Variants in CBLB observed in about 807,000 individuals in gnomAD.
CBLB encodes the protein E3 ubiquitin-protein ligase CBL-B.
A neutral mutation model predicts 104.9 loss-of-function variants in CBLB; 31 were observed. That is an observed-to-expected ratio of 0.30 (90% CI 0.22 to 0.40). The LOEUF is 0.40. Among genes scored for constraint, CBLB ranks in the 10% least tolerant of loss-of-function variants. The pLI is 1.00. For missense variants in CBLB, 1,062 were observed against 1,214.6 expected (o/e 0.87, Z 1.87); for synonymous variants, 440 against 422.6 (o/e 1.04, Z -0.51).
intron 18 of CBLB, among the ~76,000 whole-genome samples, chr3:105,664,382 T>C (rs1038730973): frequency 6.6e-6 from 1 of 152,164 alleles, no homozygotes. Flanking sequence ...TAAAATAATG[T>C]GGTAAAATAC....
At chr3:105,734,914 A>T (rs1232780008) in intron 8 of CBLB, among the ~76,000 whole-genome samples, 2 of 152,244 alleles carry the variant, frequency 1.3e-5, no homozygotes, top group Non-Finnish European at 2.9e-5. Context: ...AAATTTTCAA[A>T]ATTCAAATAC....
upstream of CBLB, chr3:105,869,349 G>A (rs1386729255): frequency 7.5e-7 from 1 of 1,336,984 alleles, no homozygotes; most frequent in East Asian, 4.0e-5. Flanking sequence ...ATAAGGGGTG[G>A]CAGGTGGGCG....
intron 9 of CBLB, among the ~76,000 whole-genome samples, chr3:105,724,775 CAAT>C (rs777529360): frequency 1.4e-4 from 21 of 151,996 alleles, no homozygotes; most frequent in Non-Finnish European, 2.8e-4. Context: ...TTATTAGAAA[CAAT>C]AATAACTAAA....
chr3:105,666,091 C>T (rs2064424092), intron 18 of CBLB, among the ~76,000 whole-genome samples: 1 of 151,634 alleles, frequency 6.6e-6, no homozygotes, highest in African/African-American at 2.4e-5. Context: ...ATAGTAAATG[C>T]TTAACAAACT....
intron 3 of CBLB, among the ~76,000 whole-genome samples, chr3:105,832,095 C>A (rs2087627105): frequency 6.6e-6 from 1 of 152,020 alleles, no homozygotes. Flanking sequence ...GATGAAAATT[C>A]TTTAAAGAAG....
rs114147327 is a variant in CBLB at position 105,776,304 on chromosome 3, C to T, written c.566+92G>A. ...AATAATAAAATACATTCACAAAACA[C>T]TCAAGTAAAATATATACCATATCCA... On this transcript the variant is annotated intron_variant, in intron 4 of 18. Transcript: ENST00000394030. 1,276 of 1,155,128 alleles carry T rather than the reference C, an allele frequency of 1.1e-3. 8 individuals are homozygous for T. In the African/African-American group the frequency reaches 0.018, roughly 17 times the overall value. The allele number at this position is 1,155,128 out of a possible 1,614,324, so 71.6% of individuals were successfully genotyped here.
In CBLB at chr3:105,721,390, C is replaced by T. The variant is rs373685186; in HGVS notation, c.1204-1140G>A. ...TCACTCTCTTCTCACTGAACAACTA[C>T]CTCACATCTACTTTGTGGCAGATCC... is the stretch of plus-strand genomic sequence containing the variant. On this transcript the variant is annotated intron_variant, in intron 9 of 18. Transcript: ENST00000394030. 1.1e-4 allele frequency among the ~76,000 whole-genome samples: 16 copies of T among 152,318 alleles called. 1 individual carries two copies. The East Asian group carries it at 2.3e-3, about 22-fold the overall frequency.
At position 105,666,566 on chromosome 3, in the gene CBLB, A is replaced by T. The variant is rs149441929; in HGVS notation, c.2689+3667T>A. On this transcript the variant is annotated intron_variant, in intron 18 of 18. Coordinates refer to ENST00000394030, the MANE Select transcript of CBLB (RefSeq NM_170662.5). ...CCGGGCATGATGGTGGATGCCTGTAATCCCAGCTACTCGGGAAGCTGAGGC... is the reference window on the plus strand; with the variant it reads ...CCGGGCATGATGGTGGATGCCTGTATTCCCAGCTACTCGGGAAGCTGAGGC... Among the ~76,000 whole-genome samples, 923 of 152,172 alleles carry T rather than the reference A, an allele frequency of 6.1e-3. 29 individuals carry two copies. The highest frequency in any genetic ancestry group is 0.05 in the East Asian group (260 of 5,168).
At chr3:105,815,972 A>G (rs923977897) in intron 3 of CBLB, among the ~76,000 whole-genome samples, 6 of 152,160 alleles carry the variant, frequency 3.9e-5, no homozygotes, top group Non-Finnish European at 7.3e-5. Flanking sequence ...CAAATACCGC[A>G]TGTTCTCGCT....
At chr3:105,844,211 C>G (rs1405900077) in intron 3 of CBLB, among the ~76,000 whole-genome samples, 1 of 152,186 alleles carries the variant, frequency 6.6e-6, no homozygotes, top group Non-Finnish European at 1.5e-5. Flanking sequence ...CTAGAGGGTT[C>G]TGAGGGGCAA....
rs576025464 is a variant in CBLB, at chr3:105,776,941, T to C, written c.420-399A>G. Among the ~76,000 whole-genome samples the C allele has an allele frequency of 4.6e-5, 7 of 152,038 alleles. No individual in the cohort carries two copies. In the South Asian group the frequency reaches 1.0e-3, roughly 23 times the overall value. The stretch of plus-strand genomic sequence containing the variant: ...GGAAAGATTTGCCATCAGAGGAGAA[T>C]CTAGGAAGAAAACTCATTGTTTGAC... On this transcript the variant is annotated intron_variant, in intron 3 of 18. Transcript: ENST00000394030.
At position 105,740,532 on chromosome 3, in the gene CBLB, G is replaced by A; in HGVS notation, c.945C>T (p.Pro315=). 1.9e-6 allele frequency: 3 copies of A among 1,613,994 alleles called. No homozygotes were observed. Among genetic ancestry groups the A allele is most frequent in the South Asian group, 2.2e-5 (2 of 91,076 alleles). The change falls in exon 7 of 19, where the codon CCC becomes CCT. Residue 315 remains proline, a synonymous_variant. Transcript: ENST00000394030. Reference sequence around the variant, plus strand: ...TGCCATCAATCAGGGCTTGAAATAAGGGCTTGTTATGAGGTATGGTCTGTA... The same window carrying A: ...TGCCATCAATCAGGGCTTGAAATAAAGGCTTGTTATGAGGTATGGTCTGTA... The part of the protein sequence containing the change: ...NILQTIPHNK[P]LFQALIDGSR...
At chr3:105,751,278 A>G (rs780517840) in intron 5 of CBLB, among the ~76,000 whole-genome samples, 184 bp downstream of exon 5, 3 of 152,322 alleles carry the variant, frequency 2.0e-5, no homozygotes, top group Non-Finnish European at 1.5e-5. Context: ...CAAATGGCTC[A>G]CTCTAAACTT....
Position 105,768,785 on chromosome 3 carries a change from G to C in CBLB, c.566+7611C>G, listed in dbSNP as rs115107816. Among the ~76,000 whole-genome samples, 301 of 152,254 alleles carry C rather than the reference G, an allele frequency of 2.0e-3. 2 individuals are homozygous for C. Among genetic ancestry groups the C allele is most frequent in the African/African-American group, 7.0e-3 (292 of 41,538 alleles). On this transcript the variant is annotated intron_variant, in intron 4 of 18. Transcript: ENST00000394030. The stretch of plus-strand genomic sequence containing the variant: ...TAGAGTAATTAACATAGATCACGTA[G>C]AAGGGTGTATATGAATGAGAAAAAC...
intron 4 of CBLB, among the ~76,000 whole-genome samples, chr3:105,766,336 CTTGG>C (rs1403981126): frequency 6.6e-6 from 1 of 152,140 alleles, no homozygotes; most frequent in African/African-American, 2.4e-5. Flanking sequence ...ATTGCAGACA[CTTGG>C]TTGATAAAGC....
chr3:105,668,718 T>A (rs915526001), intron 18 of CBLB, among the ~76,000 whole-genome samples: 2 of 152,176 alleles, frequency 1.3e-5, no homozygotes, highest in Non-Finnish European at 2.9e-5. Context: ...AGATTTTCTA[T>A]GCTTTCCTGA....
chr3:105,693,452 T>G, intron 13 of CBLB, 42 bp downstream of exon 13: 1 of 1,307,676 alleles, frequency 7.6e-7, no homozygotes, highest in South Asian at 1.2e-5. Context: ...CTACCATATC[T>G]TGATGCATAG....
Position 105,678,571 on chromosome 3 carries a change from C to T in CBLB, c.2429G>A (p.Gly810Asp). Residue 810 changes from glycine to aspartate, a missense_variant and splice_region_variant, in exon 17 of 19, where the codon GGT becomes GAT. Physicochemically the swap from Gly to Asp is moderately conservative, Grantham distance 94. Around this residue, in one of 2 missense-constraint regions of CBLB, gnomAD observed 605 missense variants for 582.6 expected, o/e 1.04. Coordinates refer to ENST00000394030, the MANE Select transcript of CBLB (RefSeq NM_170662.5). ...AGGGAGGGCATCAAAAGCATCTTCA[C>T]CTGCATTTAAAGAAAGGTCGATATC... ...SDYDLLIPPL[G>D]EDAFDALPPS... 1.9e-6 allele frequency: 3 copies of T among 1,612,478 alleles called. No individual in the cohort carries two copies. Among genetic ancestry groups the T allele is most frequent in the Non-Finnish European group, 1.7e-6 (2 of 1,179,110 alleles).
rs2063492657 is a variant in CBLB at position 105,658,514 on chromosome 3, A to G, written c.*456T>C. 1 of 244,688 alleles carries G rather than the reference A, an allele frequency of 4.1e-6. No individual in the cohort carries two copies. Among genetic ancestry groups the G allele is most frequent in the Non-Finnish European group, 8.1e-6 (1 of 123,886 alleles). 15.2% of individuals were successfully genotyped at this position (244,688 alleles called of 1,614,324 possible). ...GGATGGTAGAGATCCATATGAATAA[A>G]TGATTTAGCTGTTGATGTGGACAGC... On this transcript the variant is annotated 3_prime_UTR_variant, in exon 19 of 19. Transcript: ENST00000394030.
Sources: allele counts gnomAD v4.1 joint callset (sites outside exome capture counted in the v4.1 genomes callset), GRCh38; gene constraint gnomAD v4.1.1; regional missense constraint gnomAD v4.1.1; transcripts MANE v1.5; gene names NCBI Gene and HGNC (gene_info 2026-07-23, HGNC 2026-07-21).